The following GALNT18 variants were observed in gnomAD, a reference collection of about 807,000 sequenced individuals.
GALNT18 encodes the protein GalNAc-transferase 18.
GALNT18 carries 44 observed loss-of-function variants against 69.5 expected under a neutral mutation model. The observed-to-expected ratio is 0.63, with a 90% CI of 0.50 to 0.81. The LOEUF (loss-of-function observed/expected upper bound fraction) is 0.81. Ranked by LOEUF, GALNT18 falls within the 40% of genes least tolerant of loss-of-function variation. The pLI is 0.00. For synonymous variants in GALNT18, 364 were observed against 318.2 expected, an observed-to-expected ratio of 1.14 and a Z score of -1.53; for missense variants, 715 against 810.0, an observed-to-expected ratio of 0.88 and a Z score of 1.42.
intron 1 of GALNT18, among the ~76,000 whole-genome samples, chr11:11,537,788 T>C (rs1244514597): frequency 6.6e-6 from 1 of 152,210 alleles, no homozygotes; most frequent in Non-Finnish European, 1.5e-5. Context: ...CCCAAAACCC[T>C]GAATTTTTAA....
At chr11:11,434,713 AAC>A (rs1855358983) in intron 2 of GALNT18, among the ~76,000 whole-genome samples, 1 of 152,164 alleles carries the variant, frequency 6.6e-6, no homozygotes, top group African/African-American at 2.4e-5. Context: ...CAGCTGATTT[AAC>A]CATGGTGAAA....
chr11:11,544,934 T>A (rs1178096143), intron 1 of GALNT18, among the ~76,000 whole-genome samples: 1 of 152,232 alleles, frequency 6.6e-6, no homozygotes, highest in Non-Finnish European at 1.5e-5. Flanking sequence ...TGGGATAGGA[T>A]CCCTGCTCTA....
At position 11,596,739 on chromosome 11, in the gene GALNT18, TCTAA is replaced by T. The variant is rs1444736882; in HGVS notation, c.235+24616_235+24619del. ...AACCTCACTGAACTCACTTACTAGT[TCTAA>T]CTGATTTTTAGTGGATTCCCTAGGA... On this transcript the variant is annotated intron_variant, in intron 1 of 10. Coordinates refer to ENST00000227756, the MANE Select transcript of GALNT18 (RefSeq NM_198516.3). The surrounding 1 kb of genome is among the most constrained non-coding windows in gnomAD (Gnocchi z 4.2). Among the ~76,000 whole-genome samples the T allele has an allele frequency of 6.6e-6, 1 of 152,216 alleles. No homozygotes were observed. The highest frequency in any genetic ancestry group is 1.5e-5 in the Non-Finnish European group (1 of 68,022).
rs1236984827 is a variant in GALNT18 at position 11,315,973 on chromosome 11, C to T, written c.1512+11113G>A. On this transcript the variant is annotated intron_variant, in intron 9 of 10. Transcript: ENST00000227756. The surrounding 1 kb of genome is among the most constrained non-coding windows in gnomAD (Gnocchi z 5.6). ...CAGTCCCCGCATCACTCTGTACTGA[C>T]ATGAATGGTGGCCCCTGGAACCGTG... Among the ~76,000 whole-genome samples, 1 of 152,084 alleles carries T rather than the reference C, an allele frequency of 6.6e-6. No homozygotes were observed. Among genetic ancestry groups the T allele is most frequent in the Non-Finnish European group, 1.5e-5 (1 of 68,034 alleles).
At chr11:11,512,067 T>G in intron 1 of GALNT18, among the ~76,000 whole-genome samples, 1 of 152,214 alleles carries the variant, frequency 6.6e-6, no homozygotes, top group Non-Finnish European at 1.5e-5. Flanking sequence ...ACTCCCATAA[T>G]TTTTACACAT....
At chr11:11,360,744 G>A (rs1850627668) in intron 6 of GALNT18, among the ~76,000 whole-genome samples, 1 of 151,248 alleles carries the variant, frequency 6.6e-6, no homozygotes, top group African/African-American at 2.4e-5. Context: ...CATTTCTTCA[G>A]GAAACTTTTT....
intron 1 of GALNT18, among the ~76,000 whole-genome samples, chr11:11,466,545 A>G (rs1484850740): frequency 6.6e-6 from 1 of 152,214 alleles, no homozygotes; most frequent in Non-Finnish European, 1.5e-5. Context: ...GTGGACCCTG[A>G]GAGAGGGGTG....
At chr11:11,346,487 C>T (rs1323348495) in intron 6 of GALNT18, among the ~76,000 whole-genome samples, 3 of 152,224 alleles carry the variant, frequency 2.0e-5, no homozygotes, top group Admixed American at 1.3e-4. Context: ...AAAGCTCTGA[C>T]ATTTAAGCGC....
At chr11:11,448,963 T>C (rs1855729051) in intron 1 of GALNT18, 27 bp from the exon 2 acceptor site, 1 of 1,524,944 alleles carries the variant, frequency 6.6e-7, no homozygotes, top group Non-Finnish European at 8.8e-7. Context: ...CAGGAGACAG[T>C]GGGTCAGAGT....
rs1239659879 is a variant in GALNT18 at position 11,613,488 on chromosome 11, A to C, written c.235+7871T>G. On this transcript the variant is annotated intron_variant, in intron 1 of 10. Transcript: ENST00000227756. The surrounding 1 kb of genome is among the most constrained non-coding windows in gnomAD (Gnocchi z 4.2). ...TCTCAAGTAGGAAAATAAAGGGTGG[A>C]GTAAGAATGAATGCAATGTGTTAGG... Among the ~76,000 whole-genome samples, 1 of 152,212 alleles carries C rather than the reference A, an allele frequency of 6.6e-6. No individual in the cohort carries two copies. The highest frequency in any genetic ancestry group is 1.5e-5 in the Non-Finnish European group (1 of 68,028).
chr11:11,352,943 G>T, intron 6 of GALNT18: 1 of 1,614,042 alleles, frequency 6.2e-7, no homozygotes, highest in Non-Finnish European at 8.5e-7. Flanking sequence ...CATTATTTGT[G>T]ATGTTGATGG....
chr11:11,295,141 C>G (rs61506620), intron 9 of GALNT18, among the ~76,000 whole-genome samples: 12,209 of 152,168 alleles, frequency 0.08, 1,130 homozygotes, highest in African/African-American at 0.23. Flanking sequence ...GGTGAGTAAG[C>G]GTGGTCCTTC....
chr11:11,303,413 C>G (rs981151924), intron 9 of GALNT18, among the ~76,000 whole-genome samples: 3 of 152,144 alleles, frequency 2.0e-5, no homozygotes, highest in African/African-American at 7.2e-5. Flanking sequence ...ACTAATGCTT[C>G]TAGAACTGCC....
chr11:11,531,996 A>G (rs1052401107), intron 1 of GALNT18, among the ~76,000 whole-genome samples: 1 of 152,180 alleles, frequency 6.6e-6, no homozygotes, highest in Non-Finnish European at 1.5e-5. Context: ...TGTGTCATGA[A>G]CATATGCATA....
intron 3 of GALNT18, among the ~76,000 whole-genome samples, chr11:11,395,998 G>A (rs543304654): frequency 6.6e-5 from 10 of 152,232 alleles, no homozygotes; most frequent in African/African-American, 1.9e-4. Context: ...GGGAGAGGGA[G>A]GGGGGACACA....
At chr11:11,544,928 A>T (rs897357213) in intron 1 of GALNT18, among the ~76,000 whole-genome samples, 2 of 152,178 alleles carry the variant, frequency 1.3e-5, no homozygotes, top group Admixed American at 1.3e-4. Context: ...CACAGTTGGG[A>T]TAGGATCCCT....
At position 11,505,590 on chromosome 11, in the gene GALNT18, C is replaced by T. The variant is rs578186051; in HGVS notation, c.236-56654G>A. The stretch of plus-strand genomic sequence containing the variant: ...CTTACCACCTCCTCCCCCATCAATG[C>T]CACATCATCTGGATTCAGTCTCCGA... On this transcript the variant is annotated intron_variant, in intron 1 of 10. Transcript: ENST00000227756. The surrounding 1 kb of genome is among the most constrained non-coding windows in gnomAD (Gnocchi z 4.6). Among the ~76,000 whole-genome samples the T allele has an allele frequency of 1.3e-5, 2 of 152,240 alleles. No homozygotes were observed. The highest frequency in any genetic ancestry group is 4.2e-4 in the South Asian group (2 of 4,814).
chr11:11,462,458 A>C (rs79562894), intron 1 of GALNT18, among the ~76,000 whole-genome samples: 1 of 150,484 alleles, frequency 6.6e-6, no homozygotes, highest in Non-Finnish European at 1.5e-5. Context: ...TTATTTATTT[A>C]TTTTTTATTT....
At chr11:11,567,408 C>T (rs1327502050) in intron 1 of GALNT18, among the ~76,000 whole-genome samples, 4 of 152,128 alleles carry the variant, frequency 2.6e-5, no homozygotes, top group South Asian at 4.1e-4. Flanking sequence ...TTTGGAGGCT[C>T]GGTATCTTAA....
Sources: allele counts gnomAD v4.1 joint callset (sites outside exome capture counted in the v4.1 genomes callset), GRCh38; gene constraint gnomAD v4.1.1; non-coding constraint Gnocchi (gnomAD v3.1); transcripts MANE v1.5; gene names NCBI Gene and HGNC (gene_info 2026-07-23, HGNC 2026-07-21).